Variants in FHIP1A observed in about 807,000 individuals in gnomAD.
FHIP1A encodes the protein FHF complex subunit HOOK interacting protein 1A.
Under a neutral mutation model 88.6 loss-of-function variants are expected in FHIP1A, and 61 were observed. The observed-to-expected ratio is 0.69, with a 90% CI of 0.56 to 0.85. The LOEUF is 0.85. FHIP1A is among the 40% of genes least tolerant of loss of function. The pLI is 0.00. For missense variants in FHIP1A, 1,154 were observed against 1,273.5 expected (o/e 0.91, Z 1.43); for synonymous variants, 478 against 496.0 (o/e 0.96, Z 0.48).
chr4:151,560,308 G>A (rs1224020697), intron 3 of FHIP1A, among the ~76,000 whole-genome samples: 1 of 152,138 alleles, frequency 6.6e-6, no homozygotes, highest in Non-Finnish European at 1.5e-5. Context: ...ACTGGGTGGG[G>A]AACTAATTCT....
chr4:151,606,113 G>C (rs558381728), intron 7 of FHIP1A, among the ~76,000 whole-genome samples: 1 of 152,334 alleles, frequency 6.6e-6, no homozygotes, highest in African/African-American at 2.4e-5. Context: ...ACAGCATGCT[G>C]TTCAACCATG....
chr4:151,493,467 T>G (rs1730354223), intron 3 of FHIP1A, among the ~76,000 whole-genome samples: 1 of 152,168 alleles, frequency 6.6e-6, no homozygotes, highest in African/African-American at 2.4e-5. Flanking sequence ...CCCTAAATCA[T>G]TCTGTGAAGC....
chr4:151,576,656 A>T (rs1733802579), intron 4 of FHIP1A: 1 of 152,228 alleles, frequency 6.6e-6, no homozygotes, highest in Non-Finnish European at 1.5e-5. Flanking sequence ...AGAATTTTTA[A>T]GCTTAAAGAA....
chr4:151,567,176 A>G (rs1733419951), intron 4 of FHIP1A, among the ~76,000 whole-genome samples: 1 of 152,190 alleles, frequency 6.6e-6, no homozygotes, highest in South Asian at 2.1e-4. Flanking sequence ...GGGAGTTTAC[A>G]CATAGTAAAA....
chr4:151,437,007 TA>T (rs1462481369), intron 1 of FHIP1A, among the ~76,000 whole-genome samples: 2 of 152,176 alleles, frequency 1.3e-5, no homozygotes, highest in Admixed American at 6.6e-5. Context: ...TAATGGCAAG[TA>T]AAAAAGTCTG....
At chr4:151,468,284 C>CAAAA (rs921242622) in intron 2 of FHIP1A, among the ~76,000 whole-genome samples, 7 of 38,308 alleles carry the variant, frequency 1.8e-4, no homozygotes, top group African/African-American at 2.8e-4. Flanking sequence ...GACTCCATCT[C>CAAAA]AAAAAAAAAA....
At chr4:151,595,934 G>C (rs1392376821) in intron 7 of FHIP1A, among the ~76,000 whole-genome samples, 8 of 152,084 alleles carry the variant, frequency 5.3e-5, no homozygotes, top group Non-Finnish European at 1.0e-4. Flanking sequence ...ACATGAGATG[G>C]GTCTCCTGAA....
At chr4:151,450,362 G>GC (rs2126578995) in intron 1 of FHIP1A, among the ~76,000 whole-genome samples, 1 of 151,994 alleles carries the variant, frequency 6.6e-6, no homozygotes, top group Admixed American at 6.6e-5. Context: ...TTTTTTCTTA[G>GC]CACATATACA....
intron 4 of FHIP1A, among the ~76,000 whole-genome samples, chr4:151,577,214 A>G (rs564022932): frequency 6.6e-6 from 1 of 152,244 alleles, no homozygotes; most frequent in Admixed American, 6.5e-5. Flanking sequence ...CAATATTTAG[A>G]TTGTTGAAAT....
At chr4:151,623,121 C>T (rs1428034896) in intron 7 of FHIP1A, among the ~76,000 whole-genome samples, 1 of 152,122 alleles carries the variant, frequency 6.6e-6, no homozygotes, top group African/African-American at 2.4e-5. Context: ...CAGCATCGGC[C>T]CATTGGACAT....
At chr4:151,584,404 G>A (rs1734131704) in intron 5 of FHIP1A, among the ~76,000 whole-genome samples, 1 of 152,172 alleles carries the variant, frequency 6.6e-6, no homozygotes, top group African/African-American at 2.4e-5. Flanking sequence ...AGGGGAAAAG[G>A]AAGGCAACAA....
chr4:151,447,138 C>T (rs1260444027), intron 1 of FHIP1A, among the ~76,000 whole-genome samples: 4 of 151,964 alleles, frequency 2.6e-5, no homozygotes, highest in African/African-American at 4.8e-5. Flanking sequence ...CAAATATTTG[C>T]GTATTTCACC....
chr4:151,612,450 T>C (rs1472511724), intron 7 of FHIP1A, among the ~76,000 whole-genome samples: 3 of 152,188 alleles, frequency 2.0e-5, no homozygotes, highest in Non-Finnish European at 4.4e-5. Flanking sequence ...GCACAATCTC[T>C]GCTCACTGCA....
chr4:151,424,909 T>C (rs372570128), intron 1 of FHIP1A, among the ~76,000 whole-genome samples: 6 of 152,074 alleles, frequency 3.9e-5, no homozygotes, highest in South Asian at 4.1e-4. Flanking sequence ...AAATGAGTGA[T>C]ACAAATAAAA....
At chr4:151,620,831 A>G (rs973692111) in intron 7 of FHIP1A, among the ~76,000 whole-genome samples, 2 of 150,754 alleles carry the variant, frequency 1.3e-5, no homozygotes, top group Admixed American at 1.3e-4. Context: ...TAAGCATCAG[A>G]ATTATGAAAA....
At chr4:151,556,173 A>T (rs1299579937) in intron 3 of FHIP1A, among the ~76,000 whole-genome samples, 1 of 152,138 alleles carries the variant, frequency 6.6e-6, no homozygotes, top group Non-Finnish European at 1.5e-5. Context: ...TTTAAAGCTG[A>T]AAGTTCTCTA....
Position 151,649,625 on chromosome 4 carries a change from C to G in FHIP1A, c.1584C>G (p.Asp528Glu). 6.4e-7 allele frequency: 1 copy of G among 1,551,706 alleles called. No individual in the cohort carries two copies. The highest frequency in any genetic ancestry group is 2.4e-5 in the East Asian group (1 of 40,912). The change falls in exon 11 of 14, where the codon GAC (aspartate) becomes GAG (glutamate). Residue 528 changes from aspartate (D) to glutamate (E), a missense_variant. Coordinates refer to ENST00000435205, the MANE Select transcript of FHIP1A (RefSeq NM_001109977.3). ...TCTGGTCCGCCCTGTATGATGGCGA[C>G]TCCCCCGACCCTGAGATGTTTCTCC... ...CRVWSALYDG[D>E]SPDPEMFLQS...
chr4:151,573,726 A>G (rs1435382703), intron 4 of FHIP1A, among the ~76,000 whole-genome samples: 1 of 152,000 alleles, frequency 6.6e-6, no homozygotes, highest in Non-Finnish European at 1.5e-5. Flanking sequence ...AAATCGTGGC[A>G]TCCATAGCAC....
At chr4:151,561,502 A>G (rs1428171886) in intron 3 of FHIP1A, among the ~76,000 whole-genome samples, 1 of 152,156 alleles carries the variant, frequency 6.6e-6, no homozygotes, top group Non-Finnish European at 1.5e-5. Flanking sequence ...GTCTGAGGTA[A>G]TTTGACCCAA....
Sources: allele counts gnomAD v4.1 joint callset (sites outside exome capture counted in the v4.1 genomes callset), GRCh38; gene constraint gnomAD v4.1.1; transcripts MANE v1.5; gene names NCBI Gene and HGNC (gene_info 2026-07-23, HGNC 2026-07-21).